Variants in MEF2B observed in about 807,000 individuals in gnomAD.
MEF2B encodes the protein myocyte-specific enhancer factor 2B.
Under a neutral mutation model 32.2 loss-of-function variants are expected in MEF2B, and 15 were observed. The observed-to-expected ratio is 0.47, with a 90% CI of 0.31 to 0.72. The LOEUF is 0.72. Among genes scored for constraint, MEF2B ranks in the 30% least tolerant of loss-of-function variants. The pLI, the probability that MEF2B is intolerant of heterozygous loss-of-function variation, is 0.05. For synonymous variants in MEF2B, 205 were observed against 225.6 expected, an observed-to-expected ratio of 0.91 and a Z score of 0.82; for missense variants, 441 against 511.5, an observed-to-expected ratio of 0.86 and a Z score of 1.33.
Position 19,147,055 on chromosome 19 carries a change from G to A in MEF2B, c.522C>T (p.Ala174=). 1 of 1,605,622 alleles carries A rather than the reference G, an allele frequency of 6.2e-7. No individual in the cohort carries two copies. The highest frequency in any genetic ancestry group is 1.1e-5 in the South Asian group (1 of 90,554). The change falls in exon 5 of 9, where the codon GCC becomes GCT. Residue 174 remains alanine (A), a synonymous_variant. Transcript: ENST00000424583. The part of the protein sequence containing the change: ...QSRPSPFRPA[A]PKAGPPGLVH... ...GCTCACCTGGGGGCCCGGCTTTGGG[G>A]GCTGCTGGTCGGAAGGGAGATGGGC...
At chr19:19,165,585 A>C (rs1161234650) in intron 1 of MEF2B, among the ~76,000 whole-genome samples, 2 of 152,230 alleles carry the variant, frequency 1.3e-5, no homozygotes, top group East Asian at 3.9e-4. Flanking sequence ...GTGGCCAGAG[A>C]CAGAGAAGGT....
At chr19:19,146,491 GAACCCCC>G in intron 7 of MEF2B, 57 bp downstream of exon 7, 1 of 1,436,086 alleles carries the variant, frequency 7.0e-7, no homozygotes, top group South Asian at 1.4e-5. Context: ...GGAGGGTGTG[GAACCCCC>G]AGAGGGCAGG....
chr19:19,148,255 G>C (rs2060044086), intron 3 of MEF2B, among the ~76,000 whole-genome samples: 1 of 152,228 alleles, frequency 6.6e-6, no homozygotes, highest in Non-Finnish European at 1.5e-5. Context: ...CTTGAGGTCA[G>C]GAGTTTGAGA....
At position 19,145,752 on chromosome 19, in the gene MEF2B, G is replaced by A. The variant is rs1568543853; in HGVS notation, c.*45C>T. The A allele has an allele frequency of 1.9e-6, 3 of 1,556,790 alleles. No homozygotes were observed. The highest frequency in any genetic ancestry group is 2.6e-6 in the Non-Finnish European group (3 of 1,150,552). ...GGAGGTGGGGTCCCCACGTGCCCTC[G>A]CCGTACCTGGCGAGCGCTCTGGGCT... On this transcript the variant is annotated 3_prime_UTR_variant, in exon 9 of 9. Transcript: ENST00000424583. The surrounding 1 kb of genome is among the most constrained non-coding windows in gnomAD (Gnocchi z 4.6).
chr19:19,145,843 C>A lies in MEF2B; in HGVS notation c.1061G>T (p.Gly354Val), dbSNP rs2146348248. The A allele has an allele frequency of 6.6e-7, 1 of 1,510,704 alleles. No individual in the cohort carries two copies. Among genetic ancestry groups the A allele is most frequent in the Non-Finnish European group, 8.9e-7 (1 of 1,126,200 alleles). The allele number at this position is 1,510,704 out of a possible 1,614,324, so 93.6% of individuals were successfully genotyped here. The change falls in exon 9 of 9, where the codon GGG (glycine) becomes GTG (valine). Residue 354 changes from glycine (G) to valine (V), a missense_variant. This residue lies in a region of MEF2B where 326 missense variants were observed against 328.4 expected (regional missense o/e 0.99). Coordinates refer to ENST00000424583, the MANE Select transcript of MEF2B (RefSeq NM_001145785.2). This position sits in a 1 kb window ranked among gnomAD's most constrained non-coding sequence, Gnocchi z 4.6. ...ARSLAEPLRP[G>V]PALRRLPLAD... is the part of the protein sequence containing the mutation. ...CAAGGGCAGCCGGCGCAGGGCGGGCCCAGGCCGCAGAGGCTCTGCCAGGGA... is the reference window on the plus strand; with the variant it reads ...CAAGGGCAGCCGGCGCAGGGCGGGCACAGGCCGCAGAGGCTCTGCCAGGGA...
chr19:19,151,962 T>A (rs1240625679), intron 1 of MEF2B, among the ~76,000 whole-genome samples: 1 of 148,080 alleles, frequency 6.8e-6, no homozygotes, highest in Admixed American at 6.7e-5. Flanking sequence ...ATCTCTATTT[T>A]TTTTTTTTTT....
intron 1 of MEF2B, among the ~76,000 whole-genome samples, chr19:19,168,519 C>T (rs1250571902): frequency 2.6e-5 from 4 of 151,648 alleles, no homozygotes; most frequent in African/African-American, 9.7e-5. Context: ...GTGATCCGCC[C>T]GCCTCAGCCT....
intron 2 of MEF2B, among the ~76,000 whole-genome samples, chr19:19,150,301 G>A (rs779936116): frequency 4.6e-5 from 7 of 151,444 alleles, no homozygotes; most frequent in Non-Finnish European, 8.8e-5. Context: ...AGGCCGAGGC[G>A]GGCAGATCAC....
intron 1 of MEF2B, among the ~76,000 whole-genome samples, chr19:19,157,587 C>A (rs551774163): frequency 3.5e-4 from 53 of 152,318 alleles, no homozygotes; most frequent in African/African-American, 1.2e-3. Context: ...GGGGCTCAAG[C>A]CTGTAATCCC....
intron 1 of MEF2B, among the ~76,000 whole-genome samples, chr19:19,161,016 G>A (rs1052786709): frequency 6.6e-6 from 1 of 152,254 alleles, no homozygotes; most frequent in South Asian, 2.1e-4. Flanking sequence ...CAGGGGAGAC[G>A]GTGGGCTCGG....
Position 19,146,638 on chromosome 19 carries a change from T to C in MEF2B, c.686A>G (p.Tyr229Cys). 1 of 1,613,032 alleles carries C rather than the reference T, an allele frequency of 6.2e-7. No individual in the cohort carries two copies. The highest frequency in any genetic ancestry group is 8.5e-7 in the Non-Finnish European group (1 of 1,179,544). ...GGAGCAGGGGTTCTGCAGGCCACTG[T>C]AGAGGCTTCTCTGTGCGGAGAGAGG... ...RGGLNTSRSL[Y>C]SGLQNPCSTA... The change falls in exon 7 of 9, where the codon TAC becomes TGC. Residue 229 changes from tyrosine to cysteine, a missense_variant. Around this residue, in one of 2 missense-constraint regions of MEF2B, gnomAD observed 326 missense variants for 328.4 expected, o/e 0.99. Coordinates refer to ENST00000424583, the MANE Select transcript of MEF2B (RefSeq NM_001145785.2).
At chr19:19,168,697 G>T (rs1294041565) in intron 1 of MEF2B, among the ~76,000 whole-genome samples, 1 of 151,856 alleles carries the variant, frequency 6.6e-6, no homozygotes, top group Non-Finnish European at 1.5e-5. Flanking sequence ...CGGATCAAGT[G>T]ATCCTCCTGC....
chr19:19,160,641 T>G (rs373520513), intron 1 of MEF2B, among the ~76,000 whole-genome samples: 4 of 9,662 alleles, frequency 4.1e-4, no homozygotes, highest in Admixed American at 1.5e-3. Context: ...GGGGTGGGGG[T>G]GAGGGCCCGC....
chr19:19,169,828 T>TGCTAAAGGAGTGCACACCA (rs1269272362), intron 1 of MEF2B, among the ~76,000 whole-genome samples: 2 of 152,016 alleles, frequency 1.3e-5, no homozygotes, highest in African/African-American at 2.4e-5. Flanking sequence ...GATGCGCTAA[T>TGCTAAAGGAGTGCACACCA]GCTAAAGGAG....
intron 2 of MEF2B, among the ~76,000 whole-genome samples, chr19:19,150,257 C>A (rs190961261): frequency 6.7e-6 from 1 of 149,938 alleles, no homozygotes; most frequent in Non-Finnish European, 1.5e-5. Context: ...AGACCAGGCG[C>A]GGTGGCTCAC....
intron 1 of MEF2B, among the ~76,000 whole-genome samples, chr19:19,167,577 CCAA>C (rs1468289150): frequency 6.6e-6 from 1 of 152,076 alleles, no homozygotes; most frequent in African/African-American, 2.4e-5. Context: ...GGCCAAACAC[CCAA>C]CATGTCTACA....
intron 1 of MEF2B, chr19:19,157,406 AT>A: frequency 6.6e-6 from 1 of 152,504 alleles, no homozygotes; most frequent in Non-Finnish European, 1.5e-5. Flanking sequence ...ATGATCAGTT[AT>A]AGCACAGCAC....
Position 19,145,994 on chromosome 19 carries a change from G to T in MEF2B, c.910C>A (p.Pro304Thr). 2.8e-6 allele frequency: 4 copies of T among 1,435,594 alleles called. No individual in the cohort carries two copies. The highest frequency in any genetic ancestry group is 3.6e-6 in the Non-Finnish European group (4 of 1,096,124). 88.9% of individuals were successfully genotyped at this position (1,435,594 alleles called of 1,614,324 possible). A position where few individuals can be genotyped will look rare whatever the true frequency, so the allele number is the denominator to read the frequency against. ...SGGRSLGEEG[P>T]PTRGASPPTP... ...GGCGGGGAGGCGCCGCGGGTTGGGG[G>T]ACCCTCCTCGCCCAGGCTTCGGCCC... The change falls in exon 9 of 9, where the codon CCC becomes ACC. Residue 304 changes from proline (P) to threonine (T), a missense_variant. By Grantham distance (38) the Pro-to-Thr change is conservative. Transcript: ENST00000424583. The surrounding 1 kb of genome is among the most constrained non-coding windows in gnomAD (Gnocchi z 4.6).
chr19:19,155,048 C>A (rs145625875), intron 1 of MEF2B, among the ~76,000 whole-genome samples: 221 of 152,288 alleles, frequency 1.5e-3, no homozygotes, highest in African/African-American at 5.0e-3. Flanking sequence ...CTCTCCTGAA[C>A]CCCAGTGACA....
Sources: allele counts gnomAD v4.1 joint callset (sites outside exome capture counted in the v4.1 genomes callset), GRCh38; gene constraint gnomAD v4.1.1; regional missense constraint gnomAD v4.1.1; non-coding constraint Gnocchi (gnomAD v3.1); transcripts MANE v1.5; gene names NCBI Gene and HGNC (gene_info 2026-07-23, HGNC 2026-07-21).